The following CSPG4 variants were observed in gnomAD, a reference collection of about 807,000 sequenced individuals.
CSPG4 encodes chondroitin sulfate proteoglycan 4 (melanoma-associated).
A neutral mutation model predicts 139.3 loss-of-function variants in CSPG4; 74 were observed. That is an observed-to-expected ratio of 0.53 (90% confidence interval 0.44 to 0.64). CSPG4 has a LOEUF of 0.64. Ranked by LOEUF, CSPG4 falls within the 30% of genes least tolerant of loss-of-function variation. The pLI, the probability that CSPG4 is intolerant of heterozygous loss-of-function variation, is 0.00. For synonymous variants in CSPG4, 1,234 were observed against 1,394.2 expected, an observed-to-expected ratio of 0.89 and a Z score of 2.56; for missense variants, 2,565 against 3,148.3, an observed-to-expected ratio of 0.81 and a Z score of 4.43.
At position 75,687,526 on chromosome 15, in the gene CSPG4, G is replaced by T; in HGVS notation, c.3539C>A (p.Ala1180Asp). The change falls in exon 3 of 10, where the codon GCT (alanine) becomes GAT (aspartate). Residue 1180 changes from alanine to aspartate, a missense_variant. Ala to Asp is a moderately radical substitution (Grantham distance 126). Around this residue, in one of 5 missense-constraint regions of CSPG4, gnomAD observed 2,316 missense variants for 2,818.2 expected, o/e 0.82. Transcript: ENST00000308508. This position sits in a 1 kb window ranked among gnomAD's most constrained non-coding sequence, Gnocchi z 5.4. ...GGAGAAGGCTGTGGCTGGCTGACCA[G>T]CCCGGACTAGCTGTCCCCAGCGAGG... The part of the protein sequence containing the change: ...AGPRWGQLVR[A>D]GQPATAFSQQ... 6.2e-7 allele frequency: 1 copy of T among 1,611,868 alleles called. No individual in the cohort carries two copies. The highest frequency in any genetic ancestry group is 8.5e-7 in the Non-Finnish European group (1 of 1,179,264).
At chr15:75,677,517 G>A in intron 9 of CSPG4, 133 bp from the exon 10 acceptor site, 1 of 1,218,240 alleles carries the variant, frequency 8.2e-7, no homozygotes, top group Non-Finnish European at 1.1e-6. Flanking sequence ...GTGGGGCTCA[G>A]GGTTCCCAGG....
Position 75,677,365 on chromosome 15 carries a change from G to A in CSPG4, c.5154C>T (p.Gly1718=). The change falls in exon 10 of 10, where the codon GGC becomes GGT. Residue 1718 remains glycine, a synonymous_variant. Transcript: ENST00000308508. ...WKNKGLWVPE[G]QRARITVAAL... The stretch of plus-strand genomic sequence containing the variant: ...CAGCCACGGTGATCCTGGCCCGCTG[G>A]CCCTCGGGGACCCAGAGACCTGGGG... The A allele has an allele frequency of 7.1e-7, 1 of 1,398,824 alleles. No individual in the cohort carries two copies. The highest frequency in any genetic ancestry group is 1.8e-5 in the South Asian group (1 of 54,830). The allele number at this position is 1,398,824 out of a possible 1,614,324, so 86.7% of individuals were successfully genotyped here. A position where few individuals can be genotyped will look rare whatever the true frequency, so the allele number is the denominator to read the frequency against.
Position 75,712,847 on chromosome 15 carries a change from G to T in CSPG4, c.-92C>A. The T allele has an allele frequency of 8.8e-7, 1 of 1,136,266 alleles. No individual in the cohort carries two copies. Among genetic ancestry groups the T allele is most frequent in the Non-Finnish European group, 1.2e-6 (1 of 836,618 alleles). The allele number at this position is 1,136,266 out of a possible 1,614,324, so 70.4% of individuals were successfully genotyped here. A position where few individuals can be genotyped will look rare whatever the true frequency, so the allele number is the denominator to read the frequency against. On this transcript the variant is annotated 5_prime_UTR_variant, in exon 1 of 10. Transcript: ENST00000308508. ...AGCGAGCGCGGCTCTGCTCCTGGGC[G>T]CGGGCCGGCTCCGGGTGTCCGCGCA...
chr15:75,689,390 G>C lies in CSPG4; in HGVS notation c.1675C>G (p.His559Asp), dbSNP rs760059200. ...VNDPPHIIFPHGSLMVILEHT... is the reference protein window; with the variant it reads ...VNDPPHIIFPDGSLMVILEHT... ...TCCAGGATCACCATGAGGCTGCCATGTGGGAAGATGATGTGGGGTGGGTCA... is the reference window on the plus strand; with the variant it reads ...TCCAGGATCACCATGAGGCTGCCATCTGGGAAGATGATGTGGGGTGGGTCA... The change falls in exon 3 of 10, where the codon CAT becomes GAT. Residue 559 changes from histidine to aspartate, a missense_variant. Physicochemically the swap from His to Asp is moderately conservative, Grantham distance 81. Coordinates refer to ENST00000308508, the MANE Select transcript of CSPG4 (RefSeq NM_001897.5). 3 of 1,612,676 alleles carry C rather than the reference G, an allele frequency of 1.9e-6. No individual in the cohort carries two copies. In the South Asian group the frequency reaches 3.3e-5, roughly 18 times the overall value.
rs1341132758 is a variant in CSPG4, at chr15:75,690,286, A to T, written c.779T>A (p.Leu260Gln). 1.9e-5 allele frequency: 30 copies of T among 1,613,012 alleles called. No individual in the cohort carries two copies. The highest frequency in any genetic ancestry group is 2.5e-5 in the Non-Finnish European group (29 of 1,179,798). ...FIYVDIFEGH[L>Q]RAVVEKGQGT... ...CTGGCCCTTCTCCACCACGGCCCGC[A>T]GGTGGCCCTCAAATATGTCCACATA... Residue 260 changes from leucine to glutamine, a missense_variant, in exon 3 of 10, where the codon CTG (leucine) becomes CAG (glutamine). Physicochemically the swap from Leu to Gln is moderately radical, Grantham distance 113. Transcript: ENST00000308508.
In CSPG4 at chr15:75,696,925, C is replaced by T. The variant is rs76879411; in HGVS notation, c.89-3692G>A. Among the ~76,000 whole-genome samples the T allele has an allele frequency of 9.2e-3, 1,408 of 152,334 alleles. 28 individuals carry two copies. The highest frequency in any genetic ancestry group is 0.092 in the East Asian group (474 of 5,170). ...GCTGCGCTGGCATCTCCGGGCTCCCCGGAGGCACTACTAGGAGGAGTGTGG... is the reference window on the plus strand; with the variant it reads ...GCTGCGCTGGCATCTCCGGGCTCCCTGGAGGCACTACTAGGAGGAGTGTGG... On this transcript the variant is annotated intron_variant, in intron 1 of 9. Coordinates refer to ENST00000308508, the MANE Select transcript of CSPG4 (RefSeq NM_001897.5). The surrounding 1 kb of genome is among the most constrained non-coding windows in gnomAD (Gnocchi z 4.2).
rs143336068 is a variant in CSPG4, at chr15:75,688,222, C to T, written c.2843G>A (p.Arg948His). Residue 948 changes from arginine (R) to histidine (H), a missense_variant, in exon 3 of 10, where the codon CGT becomes CAT. By Grantham distance (29) the Arg-to-His change is conservative. Transcript: ENST00000308508. Reference sequence around the variant, plus strand: ...CATAGTGGTCTTGTCCTGTGTCCCACGCCAAGCCAACCTCCCATGGCGGGG... The same window carrying T: ...CATAGTGGTCTTGTCCTGTGTCCCATGCCAAGCCAACCTCCCATGGCGGGG... ...ERPRHGRLAWRGTQDKTTMVT... is the reference protein window; with the variant it reads ...ERPRHGRLAWHGTQDKTTMVT... 1.6e-4 allele frequency: 251 copies of T among 1,612,964 alleles called. 2 individuals are homozygous for T. The highest frequency in any genetic ancestry group is 3.6e-4 in the South Asian group (33 of 91,084).
rs1894214819 is a variant in CSPG4, at chr15:75,695,520, AG to A, written c.89-2288del. Among the ~76,000 whole-genome samples the A allele has an allele frequency of 5.9e-5, 9 of 152,210 alleles. No homozygotes were observed. In the South Asian group the frequency reaches 1.9e-3, roughly 32 times the overall value. ...GCCAGGCAGCCCCCCACCCCAACAG[AG>A]GCCTCTGAGGCCTTGCTGGCCAGGG... On this transcript the variant is annotated intron_variant, in intron 1 of 9. Transcript: ENST00000308508.
rs142458677 is a variant in CSPG4, at chr15:75,695,492, G to A, written c.89-2259C>T. Among the ~76,000 whole-genome samples the A allele has an allele frequency of 4.9e-3, 752 of 152,270 alleles. 8 individuals are homozygous for A. Among genetic ancestry groups the A allele is most frequent in the African/African-American group, 0.016 (650 of 41,548 alleles). Reference sequence around the variant, plus strand: ...AGGCTGTCTTGTGCTGCTGGAGCGCGTGGCCAGGCAGCCCCCCACCCCAAC... The same window carrying A: ...AGGCTGTCTTGTGCTGCTGGAGCGCATGGCCAGGCAGCCCCCCACCCCAAC... On this transcript the variant is annotated intron_variant, in intron 1 of 9. Transcript: ENST00000308508.
chr15:75,689,965 A>C lies in CSPG4; in HGVS notation c.1100T>G (p.Leu367Arg), dbSNP rs1894137214. ...GTTGCGCGTCAGCAAAGCTTCCCGC[A>C]GCCCCCGCCTCTGGCCATTGACACT... is the stretch of plus-strand genomic sequence containing the variant. ...DLSVNGQRRG[L>R]REALLTRNMA... Residue 367 changes from leucine (L) to arginine (R), a missense_variant, in exon 3 of 10, where the codon CTG (leucine) becomes CGG (arginine). By Grantham distance (102) the Leu-to-Arg change is moderately radical. Coordinates refer to ENST00000308508, the MANE Select transcript of CSPG4 (RefSeq NM_001897.5). The C allele has an allele frequency of 2.5e-6, 4 of 1,610,514 alleles. No homozygotes were observed. Among genetic ancestry groups the C allele is most frequent in the African/African-American group, 1.3e-5 (1 of 74,894 alleles).
chr15:75,689,282 G>A lies in CSPG4; in HGVS notation c.1783C>T (p.Leu595Phe), dbSNP rs1236754231. ...SACEGLTFQV[L>F]GTSSGLPVER... ...ACGGGGAGGCCAGAGGAGGTGCCAA[G>A]GACCTGGAAGGTGAGGCCCTCACAG... The change falls in exon 3 of 10, where the codon CTT becomes TTT. Residue 595 changes from leucine to phenylalanine, a missense_variant. Leu to Phe is a conservative substitution (Grantham distance 22). This residue lies in a region of CSPG4 where 2,316 missense variants were observed against 2,818.2 expected (regional missense o/e 0.82). Coordinates refer to ENST00000308508, the MANE Select transcript of CSPG4 (RefSeq NM_001897.5). 6.2e-6 allele frequency: 10 copies of A among 1,610,850 alleles called. No homozygotes were observed. The highest frequency in any genetic ancestry group is 8.5e-6 in the Non-Finnish European group (10 of 1,179,804).
chr15:75,682,443 G>A lies in CSPG4; in HGVS notation c.4800C>T (p.Leu1600=). Residue 1600 remains leucine, a synonymous_variant, in exon 8 of 10, where the codon CTC becomes CTT. Transcript: ENST00000308508. ...LTVCPGSVQP[L]SSQTLRASSS... is the part of the protein sequence containing the mutation. ...AGCTGGCCCTGAGGGTCTGACTGCTGAGTGGCTGGACGGACCCTGCCAGAG... is the reference window on the plus strand; with the variant it reads ...AGCTGGCCCTGAGGGTCTGACTGCTAAGTGGCTGGACGGACCCTGCCAGAG... The A allele has an allele frequency of 1.3e-6, 2 of 1,585,356 alleles. No individual in the cohort carries two copies. Among genetic ancestry groups the A allele is most frequent in the Non-Finnish European group, 1.7e-6 (2 of 1,172,168 alleles).
rs188344877 is a variant in CSPG4 at position 75,697,132 on chromosome 15, G to A, written c.89-3899C>T. Among the ~76,000 whole-genome samples the A allele has an allele frequency of 4.0e-3, 613 of 152,228 alleles. 3 individuals are homozygous for A. Among genetic ancestry groups the A allele is most frequent in the Non-Finnish European group, 5.9e-3 (404 of 67,986 alleles). On this transcript the variant is annotated intron_variant, in intron 1 of 9. Transcript: ENST00000308508. Reference sequence around the variant, plus strand: ...GGCACAGATGCCTCTTCCAGGCTGAGGGCTGCTGTGGGCTCTGTTCCTTCT... The same window carrying A: ...GGCACAGATGCCTCTTCCAGGCTGAAGGCTGCTGTGGGCTCTGTTCCTTCT...
intron 1 of CSPG4, among the ~76,000 whole-genome samples, chr15:75,703,330 G>T (rs1377008305): frequency 1.3e-5 from 2 of 150,794 alleles, no homozygotes; most frequent in African/African-American, 4.9e-5. Context: ...GGGGTGCTCT[G>T]CAGCCCGGGT....
At chr15:75,691,403 A>T (rs1173212871) in intron 2 of CSPG4, among the ~76,000 whole-genome samples, 1 of 152,180 alleles carries the variant, frequency 6.6e-6, no homozygotes, top group Non-Finnish European at 1.5e-5. Context: ...ATACAGCAAG[A>T]TGCTCTCCTA....
Position 75,690,715 on chromosome 15 carries a change from A to G in CSPG4, c.350T>C (p.Val117Ala), listed in dbSNP as rs1423831677. The G allele has an allele frequency of 6.2e-7, 1 of 1,613,172 alleles. No individual in the cohort carries two copies. Among genetic ancestry groups the G allele is most frequent in the African/African-American group, 1.3e-5 (1 of 75,060 alleles). The part of the protein sequence containing the change: ...SIPHTVVLTV[V>A]EGWATLSVDG... ...GACTGACAACGTGGCCCAGCCCTCTACGACAGTCAGCACCACAGTGTGGGG... is the reference window on the plus strand; with the variant it reads ...GACTGACAACGTGGCCCAGCCCTCTGCGACAGTCAGCACCACAGTGTGGGG... Residue 117 changes from valine to alanine, a missense_variant, in exon 3 of 10, where the codon GTA becomes GCA. Around this residue, in one of 5 missense-constraint regions of CSPG4, gnomAD observed 132 missense variants for 132.3 expected, o/e 1.00. Coordinates refer to ENST00000308508, the MANE Select transcript of CSPG4 (RefSeq NM_001897.5).
chr15:75,676,422 C>A lies in CSPG4; in HGVS notation c.6097G>T (p.Val2033Phe), dbSNP rs1425229811. ...ACGTTCACTACGGCTGATGCATTGA[C>A]ACCCCTAGCCAGTGCCAGGACTCTG... ...HFRVLALARG[V>F]NASAVVNVTV... The change falls in exon 10 of 10, where the codon GTC (valine) becomes TTC (phenylalanine). Residue 2033 changes from valine to phenylalanine, a missense_variant. By Grantham distance (50) the Val-to-Phe change is conservative (BLOSUM62 -1). Coordinates refer to ENST00000308508, the MANE Select transcript of CSPG4 (RefSeq NM_001897.5). 1 of 1,613,786 alleles carries A rather than the reference C, an allele frequency of 6.2e-7. No individual in the cohort carries two copies. Among genetic ancestry groups the A allele is most frequent in the South Asian group, 1.1e-5 (1 of 91,088 alleles).
chr15:75,702,103 C>T (rs1326654198), intron 1 of CSPG4, among the ~76,000 whole-genome samples: 1 of 152,266 alleles, frequency 6.6e-6, no homozygotes, highest in Non-Finnish European at 1.5e-5. Context: ...GCCACTCCCT[C>T]AGCCTCCCTT....
At chr15:75,684,649 G>C in intron 5 of CSPG4, 87 bp downstream of exon 5, 1 of 1,290,646 alleles carries the variant, frequency 7.7e-7, no homozygotes, top group South Asian at 1.3e-5. Context: ...CTGAGGATCA[G>C]AGCTGGGGGA....
Sources: allele counts gnomAD v4.1 joint callset (sites outside exome capture counted in the v4.1 genomes callset), GRCh38; gene constraint gnomAD v4.1.1; regional missense constraint gnomAD v4.1.1; non-coding constraint Gnocchi (gnomAD v3.1); transcripts MANE v1.5; gene names NCBI Gene and HGNC (gene_info 2026-07-23, HGNC 2026-07-21).